The following ARV1 variants were observed in gnomAD, a reference collection of about 807,000 sequenced individuals.
The protein encoded by ARV1 is ARV1 fatty acid homeostasis modulator, also known as protein ARV1.
A neutral mutation model predicts 31.1 loss-of-function variants in ARV1; 26 were observed. The observed-to-expected ratio is 0.84, with a 90% confidence interval of 0.61 to 1.16. The LOEUF is 1.16. ARV1 is among the 50% of genes most tolerant of loss of function. ARV1 has a pLI of 0.00. For missense variants in ARV1, 281 were observed against 324.9 expected (o/e 0.86, Z 1.04); for synonymous variants, 117 against 123.2 (o/e 0.95, Z 0.34).
intron 3 of ARV1, 101 bp from the exon 4 acceptor site, chr1:230,995,659 T>G: frequency 1.2e-6 from 1 of 806,804 alleles, no homozygotes; most frequent in Non-Finnish European, 1.9e-6. Flanking sequence ...TCTTATGAAG[T>G]CAGCTGATAA....
At chr1:230,982,516 T>A (rs976556885) in intron 1 of ARV1, among the ~76,000 whole-genome samples, 1 of 152,198 alleles carries the variant, frequency 6.6e-6, no homozygotes, top group African/African-American at 2.4e-5. Context: ...CAACATTCAC[T>A]TACCCCCTCC....
chr1:230,986,705 T>G (rs1291333305), intron 1 of ARV1, among the ~76,000 whole-genome samples: 2 of 84,472 alleles, frequency 2.4e-5, no homozygotes, highest in Non-Finnish European at 2.2e-5. Context: ...TTTTTTTTTT[T>G]TGAGAGAGAG....
chr1:230,994,737 G>T (rs1341608908), intron 3 of ARV1, among the ~76,000 whole-genome samples: 1 of 151,956 alleles, frequency 6.6e-6, no homozygotes. Context: ...GTAGAGACGG[G>T]GTTTCACCGT....
At chr1:230,983,500 TAACAA>T (rs1450691069) in intron 1 of ARV1, among the ~76,000 whole-genome samples, 2 of 152,146 alleles carry the variant, frequency 1.3e-5, no homozygotes, top group Non-Finnish European at 2.9e-5. Context: ...ATTATTATGT[TAACAA>T]AACAAAACTC....
chr1:230,979,339 C>T (rs1678753194), intron 1 of ARV1, 60 bp downstream of exon 1: 1 of 1,586,678 alleles, frequency 6.3e-7, no homozygotes, highest in Admixed American at 1.7e-5. Flanking sequence ...ATTTGGGGAC[C>T]GCGAGGAGCA....
At position 230,979,392 on chromosome 1, in the gene ARV1, G is replaced by T; in HGVS notation, c.174+113G>T. The T allele has an allele frequency of 1.6e-6, 2 of 1,225,060 alleles. 1 individual carries two copies. The highest frequency in any genetic ancestry group is 2.7e-5 in the South Asian group (2 of 74,020). 75.9% of individuals were successfully genotyped at this position (1,225,060 alleles called of 1,614,324 possible). On this transcript the variant is annotated intron_variant, in intron 1 of 5. Transcript: ENST00000310256. ...CTTTAGTTCGGTAGTTGACATTCCC[G>T]CCCGGGATCTTTGCATGAATATCTG...
chr1:230,994,527 G>T (rs1408462972), intron 3 of ARV1, among the ~76,000 whole-genome samples: 3 of 150,250 alleles, frequency 2.0e-5, no homozygotes, highest in Non-Finnish European at 2.9e-5. Context: ...TTTCATGGAG[G>T]TTAACCATCC....
intron 5 of ARV1, chr1:230,999,483 T>C (rs1230570298): frequency 6.6e-6 from 1 of 152,240 alleles, no homozygotes; most frequent in Non-Finnish European, 1.5e-5. Flanking sequence ...TTCTGAAGAA[T>C]GTCTTTAGTT....
intron 3 of ARV1, among the ~76,000 whole-genome samples, chr1:230,992,962 AAT>A (rs1214431864): frequency 6.6e-6 from 1 of 152,280 alleles, no homozygotes; most frequent in East Asian, 1.9e-4. Context: ...TATACAAAAG[AAT>A]ATGTTAACCT....
At chr1:230,988,494 A>ATTCT in intron 2 of ARV1, 55 bp downstream of exon 2, 1 of 1,380,356 alleles carries the variant, frequency 7.2e-7, no homozygotes, top group Non-Finnish European at 9.8e-7. Context: ...ACATTTTAAA[A>ATTCT]GAATAATAAG....
rs10779804 is a variant in ARV1 at position 230,988,309 on chromosome 1, T to C, written c.175-11T>C. 0.33 allele frequency: 528,362 copies of C among 1,577,898 alleles called. 92,292 individuals carry two copies. Among genetic ancestry groups the C allele is most frequent in the Middle Eastern group, 0.55 (3,267 of 5,976 alleles). On this transcript the variant is annotated splice_polypyrimidine_tract_variant and intron_variant, in intron 1 of 5. Coordinates refer to ENST00000310256, the MANE Select transcript of ARV1 (RefSeq NM_022786.3). ...ATTTGCTTGTTCTAATATTATCTTG[T>C]ATTATTTCAGAAATCCTGCCAGAAA...
intron 1 of ARV1, among the ~76,000 whole-genome samples, chr1:230,987,649 C>T (rs1027085341): frequency 2.6e-5 from 4 of 152,190 alleles, no homozygotes; most frequent in African/African-American, 9.6e-5. Context: ...CAGCCTAGTT[C>T]CTTGCACAGC....
intron 1 of ARV1, among the ~76,000 whole-genome samples, chr1:230,986,104 A>G (rs1572336969): frequency 6.9e-6 from 1 of 144,012 alleles, no homozygotes; most frequent in Non-Finnish European, 1.5e-5. Context: ...TTTTTTTTTT[A>G]GTAGAGATGG....
chr1:230,997,287 T>G lies in ARV1; in HGVS notation c.*4+20T>G, dbSNP rs757044826. The G allele has an allele frequency of 1.4e-5, 22 of 1,611,224 alleles. No homozygotes were observed. The highest frequency in any genetic ancestry group is 1.7e-5 in the Non-Finnish European group (20 of 1,178,016). On this transcript the variant is annotated intron_variant, in intron 5 of 5. Transcript: ENST00000310256. ...GAAGAGGTACTGAAAGCATGTAGTGTTCATGCATTCAGACATGTAGCCTTC... is the reference window on the plus strand; with the variant it reads ...GAAGAGGTACTGAAAGCATGTAGTGGTCATGCATTCAGACATGTAGCCTTC...
Position 230,990,223 on chromosome 1 carries a change from G to A in ARV1, c.408G>A (p.Lys136=). 6.2e-7 allele frequency: 1 copy of A among 1,612,980 alleles called. No individual in the cohort carries two copies. Among genetic ancestry groups the A allele is most frequent in the Non-Finnish European group, 8.5e-7 (1 of 1,179,832 alleles). The stretch of plus-strand genomic sequence containing the variant: ...CTGATGACTTGATCAGATATGCTAA[G>A]GAATGGGATTTCTATAGAATGTTTG... ...TAPDDLIRYA[K]EWDFYRMFAI... Residue 136 remains lysine, a synonymous_variant, in exon 3 of 6, where the codon AAG becomes AAA. Transcript: ENST00000310256.
chr1:230,996,398 T>C (rs964105773), intron 4 of ARV1, among the ~76,000 whole-genome samples: 1 of 152,190 alleles, frequency 6.6e-6, no homozygotes, highest in Non-Finnish European at 1.5e-5. Context: ...CAGCCCTGTG[T>C]GTCTTCATTT....
At chr1:230,999,105 C>T (rs916648202) in intron 5 of ARV1, among the ~76,000 whole-genome samples, 3 of 152,152 alleles carry the variant, frequency 2.0e-5, no homozygotes, top group Admixed American at 6.5e-5. Context: ...TCCTTCCCTT[C>T]ACTGTGCACG....
intron 1 of ARV1, among the ~76,000 whole-genome samples, chr1:230,987,758 C>G (rs1259348369): frequency 6.6e-6 from 1 of 152,110 alleles, no homozygotes. Flanking sequence ...GGAGAAAAAC[C>G]CAGGCTTCCC....
At chr1:230,995,341 A>G (rs1679330112) in intron 3 of ARV1, among the ~76,000 whole-genome samples, 1 of 152,232 alleles carries the variant, frequency 6.6e-6, no homozygotes, top group Non-Finnish European at 1.5e-5. Flanking sequence ...ACAGAGAAAA[A>G]TGTCTTCCTG....
Sources: gnomAD v4.1 joint callset for allele counts (sites outside exome capture counted in the v4.1 genomes callset) on GRCh38, gnomAD v4.1.1 for gene constraint, MANE v1.5 for transcripts, NCBI Gene and HGNC (gene_info 2026-07-23, HGNC 2026-07-21) for gene names.